MEIS1: variants seen among roughly 807,000 people sequenced by gnomAD.
MEIS1 encodes the protein homeobox protein Meis1.
In MEIS1, 5 loss-of-function variants were observed where a neutral mutation model predicts 50.8. The ratio of observed to expected loss-of-function variants is 0.10; its 90% CI spans 0.05 to 0.21. The LOEUF is 0.21. MEIS1 is among the 10% of genes least tolerant of loss of function. MEIS1 has a pLI of 1.00. For synonymous variants in MEIS1, 176 were observed against 179.3 expected (o/e 0.98, Z 0.15); for missense variants, 318 against 517.3 (o/e 0.61, Z 3.74).
intron 12 of MEIS1, chr2:66,570,413 A>G (rs1675455868): frequency 6.6e-6 from 1 of 152,234 alleles, no homozygotes; most frequent in African/African-American, 2.4e-5. Context: ...ATATTTTATA[A>G]GCAATTTTCA....
Position 66,435,262 on chromosome 2 carries a change from C to A in MEIS1, c.-595C>A. ...TTTTTTTTAACCCTCCTTCTCTAAT[C>A]TCCTTCCAGTGCAGCACTTGCAAAG... On this transcript the variant is annotated 5_prime_UTR_variant, in exon 1 of 13. Transcript: ENST00000272369. 6.5e-6 allele frequency: 1 copy of A among 153,270 alleles called. No individual in the cohort carries two copies. Among genetic ancestry groups the A allele is most frequent in the Non-Finnish European group, 1.5e-5 (1 of 68,762 alleles). The allele number at this position is 153,270 out of a possible 1,614,324, so 9.5% of individuals were successfully genotyped here.
chr2:66,522,782 G>C (rs1400773059), intron 8 of MEIS1, among the ~76,000 whole-genome samples: 1 of 152,136 alleles, frequency 6.6e-6, no homozygotes, highest in Non-Finnish European at 1.5e-5. Flanking sequence ...TATTACTCTG[G>C]CAAGTCGGCT....
At chr2:66,469,495 CTGAG>C (rs890641604) in intron 7 of MEIS1, among the ~76,000 whole-genome samples, 5 of 152,150 alleles carry the variant, frequency 3.3e-5, no homozygotes, top group African/African-American at 1.2e-4. Flanking sequence ...TTCCAGATGA[CTGAG>C]TAACGATTTA....
intron 9 of MEIS1, among the ~76,000 whole-genome samples, chr2:66,560,465 A>G (rs535874512): frequency 2.0e-5 from 3 of 152,014 alleles, no homozygotes; most frequent in South Asian, 2.1e-4. Context: ...ATGGTGATGC[A>G]TAACTGTAGT....
intron 8 of MEIS1, among the ~76,000 whole-genome samples, chr2:66,523,083 G>T (rs1040912514): frequency 6.6e-6 from 1 of 152,146 alleles, no homozygotes; most frequent in African/African-American, 2.4e-5. Flanking sequence ...TTCCTAATTC[G>T]TTTTTACACT....
At chr2:66,443,300 A>G (rs913604715) in intron 6 of MEIS1, 13 of 463,378 alleles carry the variant, frequency 2.8e-5, no homozygotes, top group African/African-American at 2.1e-4. Context: ...TGTCGCTTTT[A>G]ATTTTTGTCT....
At chr2:66,438,027 T>G in intron 2 of MEIS1, 64 bp downstream of exon 2, 2 of 1,372,472 alleles carry the variant, frequency 1.5e-6, no homozygotes, top group South Asian at 2.8e-5. Context: ...CTCTGTGCCC[T>G]TGGTAAGAGG....
intron 6 of MEIS1, 74 bp downstream of exon 6, chr2:66,443,122 C>T (rs2103690550): frequency 1.4e-5 from 20 of 1,453,408 alleles, no homozygotes; most frequent in Non-Finnish European, 1.7e-5. Flanking sequence ...GGGTCACTAC[C>T]ACCTCCTTTT....
intron 6 of MEIS1, among the ~76,000 whole-genome samples, chr2:66,461,602 A>G (rs759061642): frequency 2.4e-4 from 36 of 152,216 alleles, no homozygotes; most frequent in Non-Finnish European, 7.3e-5. Flanking sequence ...GAATGATATT[A>G]GGTGAAAAAT....
At chr2:66,446,515 C>T (rs1178067704) in intron 6 of MEIS1, among the ~76,000 whole-genome samples, 2 of 152,170 alleles carry the variant, frequency 1.3e-5, no homozygotes, top group Non-Finnish European at 2.9e-5. Flanking sequence ...GTGGCCCTGG[C>T]TCTTCCCATA....
chr2:66,527,591 A>AGTGT (rs71409176), intron 8 of MEIS1, among the ~76,000 whole-genome samples: 2,717 of 124,386 alleles, frequency 0.022, 35 homozygotes, highest in African/African-American at 0.047. Flanking sequence ...AGTAAAAGCA[A>AGTGT]GTGTGTGTGT....
At chr2:66,559,821 C>T (rs1675167418) in intron 9 of MEIS1, among the ~76,000 whole-genome samples, 1 of 151,982 alleles carries the variant, frequency 6.6e-6, no homozygotes, top group African/African-American at 2.4e-5. Flanking sequence ...AATATAAACC[C>T]TGTCTCATTC....
intron 7 of MEIS1, among the ~76,000 whole-genome samples, chr2:66,494,887 T>G (rs1266296431): frequency 6.6e-6 from 1 of 152,050 alleles, no homozygotes; most frequent in Non-Finnish European, 1.5e-5. Context: ...AGGTTAGTCA[T>G]GAATGCATAT....
intron 7 of MEIS1, among the ~76,000 whole-genome samples, chr2:66,467,031 T>G (rs1414508476): frequency 6.6e-6 from 1 of 152,072 alleles, no homozygotes; most frequent in Non-Finnish European, 1.5e-5. Flanking sequence ...TTAAATAACC[T>G]TATCTGCTAC....
chr2:66,541,499 C>T (rs1674651375), intron 8 of MEIS1, among the ~76,000 whole-genome samples: 1 of 152,168 alleles, frequency 6.6e-6, no homozygotes, highest in Non-Finnish European at 1.5e-5. Flanking sequence ...GCTAAGGTTA[C>T]ATTTATAGAT....
At chr2:66,473,278 T>C (rs561421080) in intron 7 of MEIS1, among the ~76,000 whole-genome samples, 11 of 148,996 alleles carry the variant, frequency 7.4e-5, no homozygotes, top group African/African-American at 2.7e-4. Flanking sequence ...GTTGGGAGGC[T>C]GAGGCAGGAG....
rs760426572 is a variant in MEIS1, at chr2:66,567,531, T to C, written c.1024+20T>C. On this transcript the variant is annotated intron_variant, in intron 10 of 12. Transcript: ENST00000272369. ...GAGCAGGCAAGTCCCCCATAGTGAC[T>C]GTATTCAAGTCACGCAAGCGAAAAC... is the stretch of plus-strand genomic sequence containing the variant. The C allele has an allele frequency of 1.2e-6, 2 of 1,612,834 alleles. No homozygotes were observed. Among genetic ancestry groups the C allele is most frequent in the Non-Finnish European group, 1.7e-6 (2 of 1,179,236 alleles).
At chr2:66,478,995 C>A (rs1277881820) in intron 7 of MEIS1, among the ~76,000 whole-genome samples, 1 of 152,208 alleles carries the variant, frequency 6.6e-6, no homozygotes, top group Non-Finnish European at 1.5e-5. Context: ...TCATTCAGAA[C>A]TGACAGATGT....
chr2:66,507,005 T>G (rs188848415), intron 7 of MEIS1, among the ~76,000 whole-genome samples: 43 of 152,278 alleles, frequency 2.8e-4, no homozygotes, highest in Admixed American at 2.5e-3. Context: ...GATGCCATTT[T>G]CCCTCATGTA....
Sources: allele counts gnomAD v4.1 joint callset (sites outside exome capture counted in the v4.1 genomes callset), GRCh38; gene constraint gnomAD v4.1.1; transcripts MANE v1.5; gene names NCBI Gene and HGNC (gene_info 2026-07-23, HGNC 2026-07-21).